CCK: variants seen among roughly 807,000 people sequenced by gnomAD.
CCK encodes the protein cholecystokinin triacontatriapeptide.
CCK carries 11 observed loss-of-function variants against 10.1 expected under a neutral mutation model. That is an observed-to-expected ratio of 1.09 (90% CI 0.69 to 1.81). The LOEUF is 1.81. Among genes scored for constraint, CCK ranks in the 40% most tolerant of loss-of-function variants. CCK has a pLI of 0.00. For missense variants in CCK, 137 were observed against 159.9 expected (o/e 0.86, Z 0.77); for synonymous variants, 83 against 71.9 (o/e 1.15, Z -0.78).
chr3:42,259,345 T>C (rs1711182395), intron 4 of CCK, among the ~76,000 whole-genome samples: 1 of 152,120 alleles, frequency 6.6e-6, no homozygotes, highest in African/African-American at 2.4e-5. Flanking sequence ...GAACTTAAAG[T>C]ATAATAAAAA....
chr3:42,263,854 G>T, intron 3 of CCK: 1 of 603,438 alleles, frequency 1.7e-6, no homozygotes, highest in Non-Finnish European at 2.6e-6. Flanking sequence ...CTCACCCAGC[G>T]CCAAGGGGCA....
intron 4 of CCK, among the ~76,000 whole-genome samples, chr3:42,262,240 T>C (rs1043756851): frequency 5.8e-5 from 7 of 119,878 alleles, no homozygotes; most frequent in Admixed American, 5.3e-4. Context: ...TTTTTTTTTT[T>C]AGACAGTTTC....
At chr3:42,259,998 C>T (rs1171030469) in intron 4 of CCK, among the ~76,000 whole-genome samples, 1 of 152,174 alleles carries the variant, frequency 6.6e-6, no homozygotes, top group Non-Finnish European at 1.5e-5. Context: ...AGCTCCTACC[C>T]ATAGGCTGAG....
chr3:42,262,018 T>C (rs1286972707), intron 4 of CCK, among the ~76,000 whole-genome samples: 2 of 152,142 alleles, frequency 1.3e-5, no homozygotes, highest in Non-Finnish European at 2.9e-5. Flanking sequence ...TTCTGAAGCC[T>C]CTGGGTCAGA....
intron 4 of CCK, chr3:42,263,071 G>C (rs1348112491): frequency 2.6e-6 from 1 of 390,472 alleles, no homozygotes; most frequent in Non-Finnish European, 4.8e-6. Context: ...TATCTGGGTG[G>C]CTCCAAGGTC....
rs754635 is a variant in CCK at position 42,263,639 on chromosome 3, C to G, written c.-2-7G>C. On this transcript the variant is annotated splice_region_variant and splice_polypyrimidine_tract_variant and intron_variant, in intron 3 of 4. Coordinates refer to ENST00000396169, the MANE Select transcript of CCK (RefSeq NM_000729.6). ...CACACGCCGCTGTTCATGGCTGTAG[C>G]GAGCAAAGGAGGAGGGCGCGTTAAC... 1,348,613 of 1,555,678 alleles carry G rather than the reference C, an allele frequency of 0.87. 587,738 individuals carry two copies. The highest frequency in any genetic ancestry group is 0.89 in the Non-Finnish European group (1,020,035 of 1,150,936).
chr3:42,262,801 G>A (rs11571849), intron 4 of CCK, among the ~76,000 whole-genome samples: 71,740 of 151,780 alleles, frequency 0.47, 17,418 homozygotes, highest in South Asian at 0.63. Flanking sequence ...AGACTTTGAT[G>A]CTGAGAAAAC....
rs771445779 is a variant in CCK at position 42,258,224 on chromosome 3, A to G, written c.222T>C (p.Ser74=). 1.2e-6 allele frequency: 2 copies of G among 1,613,846 alleles called. No individual in the cohort carries two copies. The highest frequency in any genetic ancestry group is 2.2e-5 in the East Asian group (1 of 44,876). The change falls in exon 5 of 5, where the codon TCT becomes TCC. Residue 74 remains serine (S), a synonymous_variant. Coordinates refer to ENST00000396169, the MANE Select transcript of CCK (RefSeq NM_000729.6). The part of the protein sequence containing the change: ...RYIQQARKAP[S]GRMSIVKNLQ... Reference sequence around the variant, plus strand: ...GGTTCTTAACGATGGACATTCGTCCAGAAGGAGCTACAAGGAGCAGGGAGG... The same window carrying G: ...GGTTCTTAACGATGGACATTCGTCCGGAAGGAGCTACAAGGAGCAGGGAGG...
rs1421548011 is a variant in CCK at position 42,265,297 on chromosome 3, A to C, written c.-242T>G. ...TGTCGGCTCTTTCGAAGGAGAGAGGAGGAGTCGGGGTCTTCACTTTCTTCT... is the reference window on the plus strand; with the variant it reads ...TGTCGGCTCTTTCGAAGGAGAGAGGCGGAGTCGGGGTCTTCACTTTCTTCT... On this transcript the variant is annotated 5_prime_UTR_variant, in exon 2 of 5. Transcript: ENST00000396169. 1 of 152,110 alleles carries C rather than the reference A, an allele frequency of 6.6e-6. No homozygotes were observed. Among genetic ancestry groups the C allele is most frequent in the Non-Finnish European group, 1.5e-5 (1 of 68,098 alleles). The allele number at this position is 152,110 out of a possible 1,614,324, so 9.4% of individuals were successfully genotyped here. A position where few individuals can be genotyped will look rare whatever the true frequency, so the allele number is the denominator to read the frequency against.
At chr3:42,264,136 CA>C (rs1559425295) in intron 3 of CCK, among the ~76,000 whole-genome samples, 1 of 136,222 alleles carries the variant, frequency 7.3e-6, no homozygotes, top group African/African-American at 2.7e-5. Flanking sequence ...AATGTAGGAG[CA>C]ATAAATAAAG....
rs1286569794 is a variant in CCK, at chr3:42,258,239, G to A, written c.215-8C>T. 2 of 1,610,242 alleles carry A rather than the reference G, an allele frequency of 1.2e-6. No homozygotes were observed. The highest frequency in any genetic ancestry group is 1.7e-6 in the Non-Finnish European group (2 of 1,179,010). On this transcript the variant is annotated splice_polypyrimidine_tract_variant and splice_region_variant and intron_variant, in intron 4 of 4. Transcript: ENST00000396169. The stretch of plus-strand genomic sequence containing the variant: ...ACATTCGTCCAGAAGGAGCTACAAG[G>A]AGCAGGGAGGAAGGAAACAGGGACA...
chr3:42,259,526 C>T (rs1050695631), intron 4 of CCK, among the ~76,000 whole-genome samples: 8 of 152,084 alleles, frequency 5.3e-5, no homozygotes, highest in African/African-American at 9.7e-5. Context: ...AAAAGACTGT[C>T]GGATTAAATC....
rs114501851 is a variant in CCK at position 42,266,099 on chromosome 3, C to T, written c.-798G>A. 0.016 allele frequency: 2,424 copies of T among 152,376 alleles called. 32 individuals carry two copies. The highest frequency in any genetic ancestry group is 0.027 in the Admixed American group (420 of 15,300). 9.4% of individuals were successfully genotyped at this position (152,376 alleles called of 1,614,324 possible). The stretch of plus-strand genomic sequence containing the variant: ...TCAACTCCTCTCCCTTTCTTTCCCC[C>T]ACCCGTCTTAGATGCAAGGAGAAAG... On this transcript the variant is annotated 5_prime_UTR_variant, in exon 1 of 5. Transcript: ENST00000396169.
chr3:42,264,118 C>A (rs1364166541), intron 3 of CCK, among the ~76,000 whole-genome samples: 2 of 151,474 alleles, frequency 1.3e-5, no homozygotes, highest in African/African-American at 4.9e-5. Flanking sequence ...AAGAGAAGCA[C>A]AGTTTAAAAT....
At chr3:42,265,157 C>CAGGGGGG (rs1711268653) in intron 2 of CCK, 112 bp downstream of exon 2, 1 of 13,802 alleles carries the variant, frequency 7.2e-5, no homozygotes, top group African/African-American at 3.0e-4. Context: ...AAACTGGGGG[C>CAGGGGGG]GGGGGTGGGG....
At chr3:42,261,912 C>A (rs1472084522) in intron 4 of CCK, among the ~76,000 whole-genome samples, 2 of 152,218 alleles carry the variant, frequency 1.3e-5, no homozygotes, top group Middle Eastern at 6.8e-3. Context: ...CTATCTTTTT[C>A]AATTTAATTA....
intron 4 of CCK, among the ~76,000 whole-genome samples, chr3:42,260,852 T>C (rs1428957598): frequency 1.3e-5 from 2 of 152,238 alleles, no homozygotes; most frequent in South Asian, 2.1e-4. Flanking sequence ...AAATGTGGAA[T>C]AGGCAGTACA....
At chr3:42,260,770 C>G (rs1433533481) in intron 4 of CCK, among the ~76,000 whole-genome samples, 1 of 152,204 alleles carries the variant, frequency 6.6e-6, no homozygotes, top group Non-Finnish European at 1.5e-5. Context: ...TGGAGAAAGA[C>G]TTTGGTGCTG....
In CCK at chr3:42,258,382, T is replaced by C. The variant is rs11571875; in HGVS notation, c.215-151A>G. 3.1e-3 allele frequency: 2,349 copies of C among 758,174 alleles called. 45 individuals are homozygous for C. In the African/African-American group the frequency reaches 0.037, roughly 12 times the overall value. 47.0% of individuals were successfully genotyped at this position (758,174 alleles called of 1,614,324 possible). A position where few individuals can be genotyped will look rare whatever the true frequency, so the allele number is the denominator to read the frequency against. ...AGAGCTATCAAAGTAGTGGAACTGA[T>C]GGACCAAAATCTGAGAGAGGAGAAG... is the stretch of plus-strand genomic sequence containing the variant. On this transcript the variant is annotated intron_variant, in intron 4 of 4. Coordinates refer to ENST00000396169, the MANE Select transcript of CCK (RefSeq NM_000729.6).
Sources: gnomAD v4.1 joint callset for allele counts (sites outside exome capture counted in the v4.1 genomes callset) on GRCh38, gnomAD v4.1.1 for gene constraint, MANE v1.5 for transcripts, NCBI Gene and HGNC (gene_info 2026-07-23, HGNC 2026-07-21) for gene names.